SCN1A: variants seen among roughly 807,000 people sequenced by gnomAD.
SCN1A encodes sodium voltage-gated channel alpha subunit 1, also known as sodium channel protein type 1 subunit alpha.
In SCN1A, 13 loss-of-function variants were observed where a neutral mutation model predicts 193.7. That is an observed-to-expected ratio of 0.07 (90% CI 0.04 to 0.11). The LOEUF (loss-of-function observed/expected upper bound fraction) is 0.11, where lower values mean the gene tolerates loss of function less well. SCN1A is among the 10% of genes least tolerant of loss of function. The probability of loss-of-function intolerance (pLI) is 1.00; values close to 1 mark genes in which losing one functional copy is unlikely to be tolerated. For synonymous variants in SCN1A, 781 were observed against 843.6 expected (o/e 0.93, Z 1.29); for missense variants, 1,432 against 2,451.1 (o/e 0.58, Z 8.78).
intron 24 of SCN1A, chr2:166,000,184 G>T: frequency 1.5e-5 from 3 of 202,182 alleles, no homozygotes; most frequent in East Asian, 1.1e-4. Flanking sequence ...TTATCTGCAG[G>T]GTGATCAAAG....
chr2:166,086,259 A>G (rs1686105580), intron 2 of SCN1A, among the ~76,000 whole-genome samples: 1 of 152,070 alleles, frequency 6.6e-6, no homozygotes, highest in Admixed American at 6.5e-5. Flanking sequence ...ACATGGACCA[A>G]CCACCTGACA....
At chr2:166,015,510 A>C in intron 20 of SCN1A, 97 bp downstream of exon 20, 1 of 1,438,484 alleles carries the variant, frequency 7.0e-7, no homozygotes. Flanking sequence ...ATCTATTACA[A>C]AGTGCCATTT....
intron 4 of SCN1A, 155 bp downstream of exon 4, chr2:166,073,203 C>A (rs1360224071): frequency 7.6e-6 from 6 of 793,122 alleles, no homozygotes; most frequent in Non-Finnish European, 1.0e-5. Flanking sequence ...ATTCATTTCT[C>A]ATGTATATGC....
rs2105611013 is a variant in SCN1A at position 166,013,840 on chromosome 2, T to C, written c.3609A>G (p.Gln1203=). ...AACACGTCCTTCTCAGGTTCCACCA[T>C]TGTTTTCCTCTGCCTTCTTCCACAT... ...QINVEEGRGK[Q]WWNLRRTCFR... is the part of the protein sequence containing the mutation. The change falls in exon 21 of 29, where the codon CAA becomes CAG. Residue 1203 remains glutamine, a synonymous_variant. Transcript: ENST00000674923. 20 of 1,612,476 alleles carry C rather than the reference T, an allele frequency of 1.2e-5. No individual in the cohort carries two copies. Among genetic ancestry groups the C allele is most frequent in the Non-Finnish European group, 1.6e-5 (19 of 1,178,772 alleles).
upstream of SCN1A, among the ~76,000 whole-genome samples, chr2:166,129,148 T>A (rs1161793859): frequency 6.6e-6 from 1 of 152,136 alleles, no homozygotes; most frequent in Non-Finnish European, 1.5e-5. Context: ...TATTATATTA[T>A]AATTATTCCT....
intron 1 of SCN1A, chr2:166,133,793 TC>T (rs1171916774): frequency 2.0e-5 from 3 of 152,192 alleles, no homozygotes; most frequent in Admixed American, 2.0e-4. Context: ...CCTTCACTGT[TC>T]CGCTTCCTTT....
intron 4 of SCN1A, among the ~76,000 whole-genome samples, chr2:166,059,192 C>T (rs924868044): frequency 1.3e-5 from 2 of 152,126 alleles, no homozygotes; most frequent in African/African-American, 4.8e-5. Flanking sequence ...TTATCACTCT[C>T]TTCGTAATAG....
chr2:166,104,776 T>C (rs1209200178), intron 2 of SCN1A, among the ~76,000 whole-genome samples: 1 of 152,152 alleles, frequency 6.6e-6, no homozygotes, highest in East Asian at 1.9e-4. Context: ...ATTTTATATA[T>C]GAGACTATGA....
At chr2:166,085,654 A>G (rs919571743) in intron 2 of SCN1A, among the ~76,000 whole-genome samples, 1 of 152,112 alleles carries the variant, frequency 6.6e-6, no homozygotes, top group Admixed American at 6.6e-5. Flanking sequence ...TGTTGAGCAC[A>G]AATTAACTAC....
At chr2:166,025,024 C>G (rs1694565784) in intron 19 of SCN1A, among the ~76,000 whole-genome samples, 1 of 152,170 alleles carries the variant, frequency 6.6e-6, no homozygotes, top group African/African-American at 2.4e-5. Context: ...CATAGAAAAT[C>G]ATTTGAGTTT....
chr2:166,146,199 T>A (rs1362953090), intron 1 of SCN1A, among the ~76,000 whole-genome samples: 1 of 152,094 alleles, frequency 6.6e-6, no homozygotes, highest in Non-Finnish European at 1.5e-5. Context: ...GGTTTTGGAC[T>A]TCCACTGACT....
rs572556142 is a variant in SCN1A, at chr2:166,039,347, A to C, written c.2589+76T>G. Reference sequence around the variant, plus strand: ...ATGCTAATGGTTGTGTGGCAAAAAAACTATGACATTGCTATGCAAGAACCC... The same window carrying C: ...ATGCTAATGGTTGTGTGGCAAAAAACCTATGACATTGCTATGCAAGAACCC... On this transcript the variant is annotated intron_variant, in intron 17 of 28. Transcript: ENST00000674923. The C allele has an allele frequency of 2.0e-6, 3 of 1,469,154 alleles. No individual in the cohort carries two copies. In the South Asian group the frequency reaches 3.7e-5, roughly 18 times the overall value. 91.0% of individuals were successfully genotyped at this position (1,469,154 alleles called of 1,614,324 possible).
rs121917959 is a variant in SCN1A at position 166,058,599 on chromosome 2, C to T, written c.354G>A (p.Arg118=). ...LYILTPFNPL[R]KIAIKILVHS... ...GTACCAAAATCTTAATAGCTATTTTCCTAAGAGGATTGAAGGGAGTTAAAA... is the reference window on the plus strand; with the variant it reads ...GTACCAAAATCTTAATAGCTATTTTTCTAAGAGGATTGAAGGGAGTTAAAA... The change falls in exon 5 of 29, where the codon AGG becomes AGA. Residue 118 remains arginine (R), a synonymous_variant. Coordinates refer to ENST00000674923, the MANE Select transcript of SCN1A (RefSeq NM_001165963.4). 2 of 1,608,794 alleles carry T rather than the reference C, an allele frequency of 1.2e-6. No individual in the cohort carries two copies. Among genetic ancestry groups the T allele is most frequent in the South Asian group, 1.1e-5 (1 of 90,954 alleles).
At chr2:166,016,290 T>TA in intron 19 of SCN1A, 1 of 155,388 alleles carries the variant, frequency 6.4e-6, no homozygotes, top group Admixed American at 6.3e-5. Context: ...TGTCAAAAAT[T>TA]ACATCAATAA....
chr2:165,996,288 T>C (rs954854429), intron 26 of SCN1A, 171 bp from the exon 27 acceptor site: 1 of 472,500 alleles, frequency 2.1e-6, no homozygotes, highest in South Asian at 2.7e-5. Flanking sequence ...GGTATGATAA[T>C]ATTTAATTCC....
intron 5 of SCN1A, among the ~76,000 whole-genome samples, chr2:166,057,982 G>A (rs533699848): frequency 6.6e-6 from 1 of 151,956 alleles, no homozygotes; most frequent in East Asian, 1.9e-4. Flanking sequence ...AAACAGTTTT[G>A]CATGGCAGCA....
chr2:166,075,067 A>T (rs1684857273), intron 3 of SCN1A, among the ~76,000 whole-genome samples: 1 of 152,180 alleles, frequency 6.6e-6, no homozygotes, highest in Non-Finnish European at 1.5e-5. Flanking sequence ...TGGTTCCCCT[A>T]CAAGGCATCA....
At chr2:166,073,757 G>A in intron 3 of SCN1A, 87 bp from the exon 4 acceptor site, 2 of 1,003,050 alleles carry the variant, frequency 2.0e-6, no homozygotes, top group South Asian at 1.7e-5. Context: ...ATGAGCTAGA[G>A]GATTTAAAGT....
At position 166,047,779 on chromosome 2, in the gene SCN1A, G is replaced by C. The variant is rs561758475; in HGVS notation, c.1029-11C>G. 4.4e-5 allele frequency: 71 copies of C among 1,613,122 alleles called. No homozygotes were observed. Among genetic ancestry groups the C allele is most frequent in the Admixed American group, 1.0e-4 (6 of 59,964 alleles). ...CCCTCTGGACATTGGCTGCAAGTGG[G>C]GTAAAAGAAAGTATTACAAGTCGTT... On this transcript the variant is annotated splice_polypyrimidine_tract_variant and intron_variant, in intron 10 of 28. Coordinates refer to ENST00000674923, the MANE Select transcript of SCN1A (RefSeq NM_001165963.4).
Sources: gnomAD v4.1 joint callset for allele counts (sites outside exome capture counted in the v4.1 genomes callset) on GRCh38, gnomAD v4.1.1 for gene constraint, MANE v1.5 for transcripts, NCBI Gene and HGNC (gene_info 2026-07-23, HGNC 2026-07-21) for gene names.